Variants in KCNN2 observed in about 807,000 individuals in gnomAD.
KCNN2 encodes the protein small conductance calcium-activated potassium channel protein 2.
KCNN2 carries 24 observed loss-of-function variants against 55.5 expected under a neutral mutation model. The observed-to-expected ratio is 0.43, with a 90% CI of 0.31 to 0.61. The LOEUF (loss-of-function observed/expected upper bound fraction) is 0.61. KCNN2 is among the 20% of genes least tolerant of loss of function. The probability of loss-of-function intolerance (pLI) is 0.08; values close to 1 mark genes in which losing one functional copy is unlikely to be tolerated. For synonymous variants in KCNN2, 431 were observed against 336.1 expected, an observed-to-expected ratio of 1.28 and a Z score of -3.09; for missense variants, 754 against 853.6, an observed-to-expected ratio of 0.88 and a Z score of 1.45.
chr5:114,118,369 TA>T (rs1432927094), intron 1 of KCNN2, among the ~76,000 whole-genome samples: 1 of 152,032 alleles, frequency 6.6e-6, no homozygotes, highest in Non-Finnish European at 1.5e-5. Flanking sequence ...TCATTCCAAT[TA>T]TGGAGGCCAA....
chr5:114,493,342 G>C, intron 6 of KCNN2, 61 bp from the exon 7 acceptor site: 1 of 1,002,568 alleles, frequency 1.0e-6, no homozygotes. Context: ...ATGCTCTTTG[G>C]AAGGCATAAG....
Position 114,363,215 on chromosome 5 carries a change from T to C in KCNN2, c.1076T>C (p.Val359Ala), listed in dbSNP as rs1475080305. 6.2e-7 allele frequency: 1 copy of C among 1,613,108 alleles called. No individual in the cohort carries two copies. The highest frequency in any genetic ancestry group is 1.7e-5 in the Admixed American group (1 of 60,004). Reference sequence around the variant, plus strand: ...CTCATCTTCGGCATGTTCGGCATCGTGGTCATGGTCATCGAGACCGAGCTG... The same window carrying C: ...CTCATCTTCGGCATGTTCGGCATCGCGGTCATGGTCATCGAGACCGAGCTG... ...YALIFGMFGI[V>A]VMVIETELSW... is the part of the protein sequence containing the mutation. The change falls in exon 1 of 8, where the codon GTG (valine) becomes GCG (alanine). Residue 359 changes from valine to alanine, a missense_variant. Coordinates refer to ENST00000673685, the MANE Select transcript of KCNN2 (RefSeq NM_021614.4).
Position 114,494,714 on chromosome 5 carries a change from G to GGACT in KCNN2, c.2089-1179_2089-1176dup, listed in dbSNP as rs377725331. 3.7e-3 allele frequency among the ~76,000 whole-genome samples: 565 copies of GGACT among 152,058 alleles called. 1 individual carries two copies. The highest frequency in any genetic ancestry group is 0.013 in the African/African-American group (534 of 41,464). On this transcript the variant is annotated intron_variant, in intron 7 of 7. Coordinates refer to ENST00000673685, the MANE Select transcript of KCNN2 (RefSeq NM_021614.4). Reference sequence around the variant, plus strand: ...TATTAATGTACTTATTATGACCACGGGACTGTACATACCATAAAGGCTCAG... The same window carrying GGACT: ...TATTAATGTACTTATTATGACCACGGGACTGACTGTACATACCATAAAGGCTCAG...
At chr5:114,397,537 A>C (rs1758656444) in intron 2 of KCNN2, among the ~76,000 whole-genome samples, 2 of 151,982 alleles carry the variant, frequency 1.3e-5, no homozygotes, top group African/African-American at 4.8e-5. Context: ...CAAGCACGCA[A>C]CACAATGCCC....
At chr5:114,196,971 C>T (rs1175453969) in intron 1 of KCNN2, among the ~76,000 whole-genome samples, 4 of 151,958 alleles carry the variant, frequency 2.6e-5, no homozygotes, top group African/African-American at 7.2e-5. Flanking sequence ...CTAATAGAAG[C>T]ATTTACAGTT....
At chr5:114,370,568 A>G (rs1276582528) in intron 2 of KCNN2, among the ~76,000 whole-genome samples, 2 of 152,128 alleles carry the variant, frequency 1.3e-5, no homozygotes, top group African/African-American at 2.4e-5. Context: ...CCATCAAGGG[A>G]GGACTTTCTG....
At chr5:114,116,158 A>G (rs1751704830) in intron 1 of KCNN2, among the ~76,000 whole-genome samples, 1 of 152,006 alleles carries the variant, frequency 6.6e-6, no homozygotes, top group South Asian at 2.1e-4. Flanking sequence ...CCAAGTAGAA[A>G]GTGAGACCTC....
intron 1 of KCNN2, among the ~76,000 whole-genome samples, chr5:114,100,849 A>T (rs539897894): frequency 1.4e-3 from 216 of 152,274 alleles, no homozygotes; most frequent in Non-Finnish European, 2.7e-3. Flanking sequence ...AGGTTTGAAC[A>T]GGAAAAGAAT....
intron 2 of KCNN2, among the ~76,000 whole-genome samples, chr5:114,269,628 C>A (rs553137671): frequency 6.6e-6 from 1 of 152,088 alleles, no homozygotes; most frequent in Admixed American, 6.5e-5. Context: ...ATTTTAATAC[C>A]CCGTAATGTT....
intron 1 of KCNN2, among the ~76,000 whole-genome samples, chr5:114,149,800 C>T (rs1317672090): frequency 6.6e-6 from 1 of 152,054 alleles, no homozygotes; most frequent in East Asian, 1.9e-4. Flanking sequence ...ACAAACAATC[C>T]ATAGAAACAG....
intron 2 of KCNN2, among the ~76,000 whole-genome samples, chr5:114,319,171 G>A (rs138089436): frequency 3.9e-5 from 6 of 152,202 alleles, no homozygotes; most frequent in Non-Finnish European, 5.9e-5. Context: ...TATTCTGAGC[G>A]GGAAAGCAGC....
At chr5:114,277,990 T>C (rs932212825) in intron 2 of KCNN2, among the ~76,000 whole-genome samples, 1 of 152,176 alleles carries the variant, frequency 6.6e-6, no homozygotes, top group African/African-American at 2.4e-5. Flanking sequence ...CTACCTTTGG[T>C]CTTTGGTGTT....
chr5:114,402,380 G>A (rs1352647470), intron 2 of KCNN2, among the ~76,000 whole-genome samples: 1 of 152,194 alleles, frequency 6.6e-6, no homozygotes, highest in Non-Finnish European at 1.5e-5. Context: ...ACACAACCTA[G>A]AGTAGGCATG....
intron 4 of KCNN2, among the ~76,000 whole-genome samples, chr5:114,471,256 T>TAA (rs1185055220): frequency 7.9e-5 from 12 of 152,138 alleles, no homozygotes; most frequent in Non-Finnish European, 1.5e-4. Flanking sequence ...AAGTCCTTTA[T>TAA]AAAATAGTGT....
Position 114,365,335 on chromosome 5 carries a change from C to A in KCNN2, c.1218+1334C>A, listed in dbSNP as rs11954169. ...ACATTTGAATTTTTTAAAGTTTTAA[C>A]AGTTTACATAGATTCATCTTTAATT... On this transcript the variant is annotated intron_variant, in intron 2 of 7. Transcript: ENST00000673685. 7.7e-3 allele frequency among the ~76,000 whole-genome samples: 1,179 copies of A among 152,308 alleles called. 13 individuals carry two copies. The highest frequency in any genetic ancestry group is 0.027 in the African/African-American group (1,112 of 41,560).
upstream of KCNN2, among the ~76,000 whole-genome samples, chr5:114,360,621 T>TC: frequency 6.6e-6 from 1 of 152,274 alleles, no homozygotes; most frequent in East Asian, 1.9e-4. Context: ...AACATAAGGA[T>TC]CACCTAGTGC....
intron 1 of KCNN2, among the ~76,000 whole-genome samples, chr5:114,123,075 A>T (rs183374282): frequency 1.3e-5 from 2 of 152,292 alleles, no homozygotes; most frequent in East Asian, 3.9e-4. Context: ...GACGGTAGAA[A>T]ATGAATGATG....
rs557157825 is a variant in KCNN2, at chr5:114,250,393, G to C, written c.-185+28828G>C. 1.8e-4 allele frequency among the ~76,000 whole-genome samples: 28 copies of C among 152,212 alleles called. No homozygotes were observed. The South Asian group carries it at 5.0e-3, about 27-fold the overall frequency. Reference sequence around the variant, plus strand: ...ACTCAGATAGGGTCTCTGGAGAATTGGAAGTGTCCCTTTTATTGAGGAGTA... The same window carrying C: ...ACTCAGATAGGGTCTCTGGAGAATTCGAAGTGTCCCTTTTATTGAGGAGTA... On this transcript the variant is annotated intron_variant, in intron 2 of 10. Transcript: ENST00000512097.
At chr5:114,308,127 G>A (rs1194800782) in intron 2 of KCNN2, among the ~76,000 whole-genome samples, 1 of 152,084 alleles carries the variant, frequency 6.6e-6, no homozygotes, top group Non-Finnish European at 1.5e-5. Flanking sequence ...TCTAGCTCAT[G>A]TCAATTTATC....
Sources: allele counts gnomAD v4.1 joint callset (sites outside exome capture counted in the v4.1 genomes callset), GRCh38; gene constraint gnomAD v4.1.1; transcripts MANE v1.5; gene names NCBI Gene and HGNC (gene_info 2026-07-23, HGNC 2026-07-21).